The following SLC17A6 variants were observed in gnomAD, a reference collection of about 807,000 sequenced individuals.
The protein encoded by SLC17A6 is solute carrier family 17 member 6, also known as vesicular glutamate transporter 2.
A neutral mutation model predicts 67.1 loss-of-function variants in SLC17A6; 35 were observed. The observed-to-expected ratio is 0.52, with a 90% CI of 0.40 to 0.69. SLC17A6 has a LOEUF of 0.69. SLC17A6 is among the 30% of genes least tolerant of loss of function. The pLI, the probability that SLC17A6 is intolerant of heterozygous loss-of-function variation, is 0.00. For missense variants in SLC17A6, 588 were observed against 723.9 expected (o/e 0.81, Z 2.15); for synonymous variants, 285 against 252.3 (o/e 1.13, Z -1.23).
At chr11:22,376,447 C>A in intron 10 of SLC17A6, 98 bp from the exon 11 acceptor site, 3 of 1,331,780 alleles carry the variant, frequency 2.3e-6, no homozygotes, top group Non-Finnish European at 3.2e-6. Flanking sequence ...GTGTTCTGTA[C>A]CCAGTATATT....
At chr11:22,355,177 G>T (rs951008565) in intron 3 of SLC17A6, among the ~76,000 whole-genome samples, 3 of 152,132 alleles carry the variant, frequency 2.0e-5, no homozygotes, top group Non-Finnish European at 2.9e-5. Context: ...AGGTGCTCAA[G>T]GTCACTCAGT....
Position 22,370,036 on chromosome 11 carries a change from C to T in SLC17A6, c.892-3C>T, listed in dbSNP as rs1433665417. On this transcript the variant is annotated splice_polypyrimidine_tract_variant and splice_region_variant and intron_variant, in intron 7 of 11. Transcript: ENST00000263160. ...CATAATGTCTCTCTTTTTGGAATTT[C>T]AGAAATTCAAGACTCCATGGAGGAA... 1 of 1,601,586 alleles carries T rather than the reference C, an allele frequency of 6.2e-7. No individual in the cohort carries two copies.
chr11:22,353,346 CCAAAA>C lies in SLC17A6; in HGVS notation c.459-6040_459-6036del, dbSNP rs537966448. Among the ~76,000 whole-genome samples, 20 of 151,874 alleles carry C rather than the reference CCAAAA, an allele frequency of 1.3e-4. 1 individual carries two copies. The highest frequency in any genetic ancestry group is 3.9e-4 in the Admixed American group (6 of 15,260). The stretch of plus-strand genomic sequence containing the variant: ...TTTAATTTGGATTTTCACAGTGTAA[CCAAAA>C]CAAAACAAAACAAAACAAAACAAAA... On this transcript the variant is annotated intron_variant, in intron 3 of 11. Transcript: ENST00000263160.
Position 22,378,846 on chromosome 11 carries a change from C to CTA in SLC17A6, c.*1114_*1115dup, listed in dbSNP as rs1435124683. 6.6e-6 allele frequency: 1 copy of CTA among 151,968 alleles called. No individual in the cohort carries two copies. The highest frequency in any genetic ancestry group is 1.5e-5 in the Non-Finnish European group (1 of 67,930). 9.4% of individuals were successfully genotyped at this position (151,968 alleles called of 1,614,324 possible). A position where few individuals can be genotyped will look rare whatever the true frequency, so the allele number is the denominator to read the frequency against. Reference sequence around the variant, plus strand: ...TACATTATATTAAAATGGTCTCTCTCTATATATATCTGTATATCTTATACA... The same window carrying CTA: ...TACATTATATTAAAATGGTCTCTCTCTATATATATATCTGTATATCTTATACA... On this transcript the variant is annotated 3_prime_UTR_variant, in exon 12 of 12. Coordinates refer to ENST00000263160, the MANE Select transcript of SLC17A6 (RefSeq NM_020346.3).
In SLC17A6 at chr11:22,362,835, A is replaced by C; in HGVS notation, c.748+10A>C. The C allele has an allele frequency of 1.9e-6, 3 of 1,606,920 alleles. No individual in the cohort carries two copies. Among genetic ancestry groups the C allele is most frequent in the Non-Finnish European group, 2.6e-6 (3 of 1,173,608 alleles). Reference sequence around the variant, plus strand: ...GTGTTTTATGTCTACGGTATGTTATATTTCTATGCAATAGAGTTAAAGGAA... The same window carrying C: ...GTGTTTTATGTCTACGGTATGTTATCTTTCTATGCAATAGAGTTAAAGGAA... On this transcript the variant is annotated intron_variant, in intron 6 of 11. Transcript: ENST00000263160.
chr11:22,377,624 G>A lies in SLC17A6; in HGVS notation c.1633G>A (p.Gly545Ser), dbSNP rs1383416682. 3 of 1,614,118 alleles carry A rather than the reference G, an allele frequency of 1.9e-6. No homozygotes were observed. Among genetic ancestry groups the A allele is most frequent in the Middle Eastern group, 1.6e-4 (1 of 6,062 alleles). ...YINYGTTKSY[G>S]ATTQANGGWP... ...AAATTATGGTACCACCAAGTCTTAT[G>A]GTGCCACAACACAGGCCAATGGAGG... The change falls in exon 12 of 12, where the codon GGT becomes AGT. Residue 545 changes from glycine to serine, a missense_variant. Around this residue, in one of 4 missense-constraint regions of SLC17A6, gnomAD observed 414 missense variants for 563.4 expected, o/e 0.73. Transcript: ENST00000263160.
intron 3 of SLC17A6, among the ~76,000 whole-genome samples, chr11:22,347,471 T>C (rs1855891289): frequency 6.7e-6 from 1 of 149,150 alleles, no homozygotes; most frequent in African/African-American, 2.5e-5. Context: ...TTGCTTGCCG[T>C]TATTATTTAG....
intron 1 of SLC17A6, among the ~76,000 whole-genome samples, chr11:22,339,756 G>T (rs11026524): frequency 6.6e-6 from 1 of 152,080 alleles, no homozygotes; most frequent in African/African-American, 2.4e-5. Context: ...GCTTCATGTA[G>T]GCACGATTAT....
At chr11:22,355,414 AC>A (rs1318000364) in intron 3 of SLC17A6, among the ~76,000 whole-genome samples, 1 of 151,926 alleles carries the variant, frequency 6.6e-6, no homozygotes, top group East Asian at 1.9e-4. Context: ...AGTGACTTTG[AC>A]CCCTTGCTCC....
At chr11:22,351,611 A>G (rs2133864367) in intron 3 of SLC17A6, among the ~76,000 whole-genome samples, 1 of 152,202 alleles carries the variant, frequency 6.6e-6, no homozygotes, top group Admixed American at 6.6e-5. Flanking sequence ...TTCTCTTATT[A>G]AATATTTTTA....
chr11:22,357,408 T>A (rs916079997), intron 3 of SLC17A6, among the ~76,000 whole-genome samples: 5 of 152,214 alleles, frequency 3.3e-5, no homozygotes, highest in African/African-American at 9.6e-5. Context: ...TGATTTTTCT[T>A]GCAGGGAACA....
chr11:22,344,447 A>C (rs1855853137), intron 3 of SLC17A6, among the ~76,000 whole-genome samples: 1 of 152,268 alleles, frequency 6.6e-6, no homozygotes, highest in Middle Eastern at 3.4e-3. Flanking sequence ...ATTTCTGCCC[A>C]AGGCTTCTCA....
At chr11:22,362,004 A>G (rs932205307) in intron 5 of SLC17A6, among the ~76,000 whole-genome samples, 2 of 151,850 alleles carry the variant, frequency 1.3e-5, no homozygotes, top group African/African-American at 4.8e-5. Flanking sequence ...AAATATTGCC[A>G]TTTCTGTCTA....
chr11:22,361,043 A>C, intron 5 of SLC17A6, 59 bp downstream of exon 5: 2 of 1,471,660 alleles, frequency 1.4e-6, no homozygotes, highest in Non-Finnish European at 1.9e-6. Flanking sequence ...AACTTGAATA[A>C]GAATTGAAAA....
intron 3 of SLC17A6, among the ~76,000 whole-genome samples, chr11:22,346,640 G>C (rs547976353): frequency 4.9e-5 from 7 of 143,416 alleles, no homozygotes; most frequent in African/African-American, 1.3e-4. Flanking sequence ...TATTAATATG[G>C]TAATAAAAAA....
At chr11:22,362,238 G>A in intron 5 of SLC17A6, 2 of 474,904 alleles carry the variant, frequency 4.2e-6, no homozygotes, top group South Asian at 1.8e-5. Flanking sequence ...TTCTGGCCAT[G>A]CTTTGAGAAC....
intron 3 of SLC17A6, among the ~76,000 whole-genome samples, chr11:22,349,694 G>A (rs544735045): frequency 6.6e-6 from 1 of 152,310 alleles, no homozygotes; most frequent in African/African-American, 2.4e-5. Context: ...CACTGGGACT[G>A]TCTCATCTCT....
At chr11:22,344,385 A>G (rs1352688164) in intron 3 of SLC17A6, among the ~76,000 whole-genome samples, 1 of 152,136 alleles carries the variant, frequency 6.6e-6, no homozygotes, top group Non-Finnish European at 1.5e-5. Context: ...CTCATCTCTC[A>G]GGCCCCATAC....
At chr11:22,356,527 A>C (rs1855994773) in intron 3 of SLC17A6, among the ~76,000 whole-genome samples, 2 of 152,172 alleles carry the variant, frequency 1.3e-5, no homozygotes, top group Admixed American at 1.3e-4. Flanking sequence ...TAATAATGAA[A>C]AAAAGGATAG....
Sources: gnomAD v4.1 joint callset for allele counts (sites outside exome capture counted in the v4.1 genomes callset) on GRCh38, gnomAD v4.1.1 for gene constraint, gnomAD v4.1.1 regional missense constraint, MANE v1.5 for transcripts, NCBI Gene and HGNC (gene_info 2026-07-23, HGNC 2026-07-21) for gene names.